Variants in DLGAP1 observed in about 807,000 individuals in gnomAD.
The protein encoded by DLGAP1 is disks large-associated protein 1.
DLGAP1 carries 11 observed loss-of-function variants against 90.8 expected under a neutral mutation model. The ratio of observed to expected loss-of-function variants is 0.12; its 90% confidence interval spans 0.08 to 0.20. The LOEUF (loss-of-function observed/expected upper bound fraction) is 0.20. Ranked by LOEUF, DLGAP1 falls within the 10% of genes least tolerant of loss-of-function variation. The pLI is 1.00. For synonymous variants in DLGAP1, 558 were observed against 540.7 expected (o/e 1.03, Z -0.44); for missense variants, 1,050 against 1,333.8 (o/e 0.79, Z 3.31).
At chr18:3,867,131 T>C (rs1474837924) in intron 4 of DLGAP1, among the ~76,000 whole-genome samples, 9 of 152,144 alleles carry the variant, frequency 5.9e-5, no homozygotes, top group African/African-American at 9.7e-5. Context: ...GGATTACAGG[T>C]GTGAACCACT....
At chr18:4,161,461 T>C (rs1272003699) in intron 1 of DLGAP1, among the ~76,000 whole-genome samples, 1 of 152,198 alleles carries the variant, frequency 6.6e-6, no homozygotes, top group Non-Finnish European at 1.5e-5. Context: ...CCATGGTATA[T>C]ATGTACCACA....
chr18:3,884,285 A>G (rs1380274267), intron 3 of DLGAP1, among the ~76,000 whole-genome samples: 1 of 152,228 alleles, frequency 6.6e-6, no homozygotes, highest in African/African-American at 2.4e-5. Flanking sequence ...TGCCTTTCAA[A>G]TACAGACTTA....
At chr18:4,276,787 C>T (rs1468182087) in intron 1 of DLGAP1, among the ~76,000 whole-genome samples, 1 of 152,078 alleles carries the variant, frequency 6.6e-6, no homozygotes, top group African/African-American at 2.4e-5. Flanking sequence ...ATATCTGGTA[C>T]TCTAAATTTT....
intron 1 of DLGAP1, among the ~76,000 whole-genome samples, chr18:4,301,385 A>G (rs2080122686): frequency 6.6e-6 from 1 of 152,118 alleles, no homozygotes; most frequent in Non-Finnish European, 1.5e-5. Flanking sequence ...AATGTGTAGT[A>G]TTTGTCTTCC....
intron 7 of DLGAP1, among the ~76,000 whole-genome samples, chr18:3,601,561 G>T (rs1262513108): frequency 2.6e-5 from 4 of 151,864 alleles, no homozygotes; most frequent in Non-Finnish European, 5.9e-5. Context: ...TAAAACCTAC[G>T]GCTGGGCATG....
intron 1 of DLGAP1, among the ~76,000 whole-genome samples, chr18:4,215,408 T>C (rs1002458347): frequency 1.3e-5 from 2 of 152,178 alleles, no homozygotes; most frequent in African/African-American, 4.8e-5. Flanking sequence ...ATAGTGAAGA[T>C]ATTAACAAAT....
intron 1 of DLGAP1, among the ~76,000 whole-genome samples, chr18:4,428,513 C>T (rs539393220): frequency 4.0e-5 from 6 of 151,892 alleles, no homozygotes; most frequent in Admixed American, 6.6e-5. Context: ...ACCTGGGAGG[C>T]GAAGGTTGCA....
intron 7 of DLGAP1, among the ~76,000 whole-genome samples, chr18:3,682,945 C>G (rs920926131): frequency 1.3e-5 from 2 of 151,768 alleles, no homozygotes; most frequent in African/African-American, 4.8e-5. Context: ...GCAACCTCTG[C>G]CTCCCAGTTC....
At chr18:4,015,591 C>T (rs951276611) in intron 2 of DLGAP1, among the ~76,000 whole-genome samples, 1 of 152,162 alleles carries the variant, frequency 6.6e-6, no homozygotes, top group African/African-American at 2.4e-5. Flanking sequence ...CCCATGACAC[C>T]TGCCTTCACT....
intron 1 of DLGAP1, among the ~76,000 whole-genome samples, chr18:4,154,799 C>T (rs2144439532): frequency 6.6e-6 from 1 of 152,276 alleles, no homozygotes; most frequent in South Asian, 2.1e-4. Flanking sequence ...GGAAAGCACT[C>T]ATTCATTCTC....
At chr18:3,887,865 T>C (rs2071357118) in intron 3 of DLGAP1, among the ~76,000 whole-genome samples, 1 of 151,864 alleles carries the variant, frequency 6.6e-6, no homozygotes, top group African/African-American at 2.4e-5. Context: ...TCCCAGCACT[T>C]TGGGAGGCCG....
At chr18:3,696,551 T>C (rs2061100675) in intron 7 of DLGAP1, among the ~76,000 whole-genome samples, 1 of 152,228 alleles carries the variant, frequency 6.6e-6, no homozygotes, top group South Asian at 2.1e-4. Context: ...TGAAGCCTAC[T>C]TGATCGTGGT....
At chr18:3,516,307 G>A (rs947851197) in intron 10 of DLGAP1, among the ~76,000 whole-genome samples, 1 of 151,744 alleles carries the variant, frequency 6.6e-6, no homozygotes, top group Non-Finnish European at 1.5e-5. Flanking sequence ...TTTTGATACA[G>A]GCATGCACTG....
chr18:4,191,661 T>C (rs2077402342), intron 1 of DLGAP1, among the ~76,000 whole-genome samples: 1 of 152,146 alleles, frequency 6.6e-6, no homozygotes, highest in Non-Finnish European at 1.5e-5. Flanking sequence ...AGTTTACTCT[T>C]TTCTCCCCTC....
chr18:3,671,269 G>A (rs2060080333), intron 7 of DLGAP1, among the ~76,000 whole-genome samples: 1 of 150,614 alleles, frequency 6.6e-6, no homozygotes, highest in Admixed American at 6.6e-5. Context: ...ACAGCTCATG[G>A]TTGCCTAGGA....
At chr18:3,766,371 G>A (rs764795655) in intron 5 of DLGAP1, among the ~76,000 whole-genome samples, 10 of 152,208 alleles carry the variant, frequency 6.6e-5, no homozygotes, top group East Asian at 1.9e-4. Context: ...AAAAATTCAC[G>A]ATTGTAGTTG....
chr18:4,254,400 G>T (rs2078845420), intron 1 of DLGAP1, among the ~76,000 whole-genome samples: 1 of 152,174 alleles, frequency 6.6e-6, no homozygotes, highest in Admixed American at 6.5e-5. Flanking sequence ...CATGCTGATG[G>T]TTATTCGGCT....
At chr18:4,060,478 C>T (rs1568374763) in intron 2 of DLGAP1, among the ~76,000 whole-genome samples, 1 of 152,224 alleles carries the variant, frequency 6.6e-6, no homozygotes. Context: ...CTTCAACCTG[C>T]AACTTTAACC....
chr18:4,431,600 T>C (rs1352947789), intron 1 of DLGAP1, among the ~76,000 whole-genome samples: 1 of 152,226 alleles, frequency 6.6e-6, no homozygotes, highest in East Asian at 1.9e-4. Flanking sequence ...TGCTTTGGCT[T>C]AAAAGACACC....
Sources: gnomAD v4.1 joint callset for allele counts (sites outside exome capture counted in the v4.1 genomes callset) on GRCh38, gnomAD v4.1.1 for gene constraint, MANE v1.5 for transcripts, NCBI Gene and HGNC (gene_info 2026-07-23, HGNC 2026-07-21) for gene names.